The following GALNT18 variants were observed in gnomAD, a reference collection of about 807,000 sequenced individuals.
The protein encoded by GALNT18 is polypeptide N-acetylgalactosaminyltransferase 18.
GALNT18 carries 44 observed loss-of-function variants against 69.5 expected under a neutral mutation model. The ratio of observed to expected loss-of-function variants is 0.63; its 90% confidence interval spans 0.50 to 0.81. GALNT18 has a LOEUF of 0.81. Among genes scored for constraint, GALNT18 ranks in the 40% least tolerant of loss-of-function variants. The pLI, the probability that GALNT18 is intolerant of heterozygous loss-of-function variation, is 0.00. For synonymous variants in GALNT18, 364 were observed against 318.2 expected, an observed-to-expected ratio of 1.14 and a Z score of -1.53; for missense variants, 715 against 810.0, an observed-to-expected ratio of 0.88 and a Z score of 1.42.
intron 9 of GALNT18, among the ~76,000 whole-genome samples, chr11:11,294,442 T>G (rs563102064): frequency 6.6e-6 from 1 of 152,110 alleles, no homozygotes; most frequent in Admixed American, 6.5e-5. Context: ...AGAGCCACTC[T>G]TATCAGTTCT....
chr11:11,599,141 T>G (rs571963635), intron 1 of GALNT18, among the ~76,000 whole-genome samples: 4 of 152,270 alleles, frequency 2.6e-5, no homozygotes, highest in African/African-American at 9.6e-5. Flanking sequence ...GTCTTCTATA[T>G]CATCATTAGT....
chr11:11,428,711 T>C (rs1855194566), intron 3 of GALNT18, among the ~76,000 whole-genome samples: 1 of 152,180 alleles, frequency 6.6e-6, no homozygotes. Flanking sequence ...TTTAAAGCCC[T>C]CCAAGTGATT....
chr11:11,569,110 C>T (rs1281418692), intron 1 of GALNT18, among the ~76,000 whole-genome samples: 1 of 152,116 alleles, frequency 6.6e-6, no homozygotes, highest in Non-Finnish European at 1.5e-5. Context: ...GATTTACTAA[C>T]ACCCAGAGGG....
chr11:11,591,743 A>G lies in GALNT18; in HGVS notation c.235+29616T>C, dbSNP rs1301172573. Among the ~76,000 whole-genome samples the G allele has an allele frequency of 1.3e-5, 2 of 152,254 alleles. No individual in the cohort carries two copies. Among genetic ancestry groups the G allele is most frequent in the Non-Finnish European group, 2.9e-5 (2 of 68,048 alleles). On this transcript the variant is annotated intron_variant, in intron 1 of 10. Coordinates refer to ENST00000227756, the MANE Select transcript of GALNT18 (RefSeq NM_198516.3). This position sits in a 1 kb window ranked among gnomAD's most constrained non-coding sequence, Gnocchi z 4.8. ...AGATGGAAATACAATGAGCCCAGCC[A>G]TACAGATGTGCTCCCATACCCTTTG...
rs1312895438 is a variant in GALNT18 at position 11,586,646 on chromosome 11, T to C, written c.235+34713A>G. Among the ~76,000 whole-genome samples, 3 of 152,180 alleles carry C rather than the reference T, an allele frequency of 2.0e-5. No homozygotes were observed. Among genetic ancestry groups the C allele is most frequent in the Admixed American group, 6.5e-5 (1 of 15,286 alleles). ...AAACGTTTCAGCATTTATATTTAGC[T>C]GGTATGCACTGGTTCCACCATATCA... On this transcript the variant is annotated intron_variant, in intron 1 of 10. Coordinates refer to ENST00000227756, the MANE Select transcript of GALNT18 (RefSeq NM_198516.3). The surrounding 1 kb of genome is among the most constrained non-coding windows in gnomAD (Gnocchi z 4.1).
chr11:11,336,132 C>T (rs1469930984), intron 7 of GALNT18, among the ~76,000 whole-genome samples: 4 of 152,200 alleles, frequency 2.6e-5, no homozygotes, highest in African/African-American at 9.6e-5. Context: ...CTCAGCCTGT[C>T]TTTGGGCAAG....
chr11:11,490,143 T>C (rs1166151041), intron 1 of GALNT18, among the ~76,000 whole-genome samples: 4 of 151,958 alleles, frequency 2.6e-5, no homozygotes, highest in Admixed American at 2.0e-4. Flanking sequence ...GCAGGTCCAT[T>C]ATCATGGGAG....
rs1284874233 is a variant in GALNT18, at chr11:11,382,657, TA to T, written c.596-3394del. 6.6e-6 allele frequency among the ~76,000 whole-genome samples: 1 copy of T among 152,224 alleles called. No individual in the cohort carries two copies. Among genetic ancestry groups the T allele is most frequent in the African/African-American group, 2.4e-5 (1 of 41,456 alleles). On this transcript the variant is annotated intron_variant, in intron 3 of 10. Coordinates refer to ENST00000227756, the MANE Select transcript of GALNT18 (RefSeq NM_198516.3). The surrounding 1 kb of genome is among the most constrained non-coding windows in gnomAD (Gnocchi z 4.3). ...ATATAATGACTAATCACAAAGATTT[TA>T]TCAGGATTTTTGCTGCCCTATCTTT...
At chr11:11,528,975 AG>A (rs1436508161) in intron 1 of GALNT18, among the ~76,000 whole-genome samples, 1 of 152,226 alleles carries the variant, frequency 6.6e-6, no homozygotes, top group Non-Finnish European at 1.5e-5. Context: ...CTACTATGAG[AG>A]GCCCTCAGGG....
chr11:11,277,678 C>A (rs536595226), intron 10 of GALNT18, among the ~76,000 whole-genome samples: 2 of 152,276 alleles, frequency 1.3e-5, no homozygotes, highest in South Asian at 4.1e-4. Flanking sequence ...TTAAATGTGT[C>A]CCAGAGATTC....
chr11:11,578,299 A>G (rs1195893907), intron 1 of GALNT18, among the ~76,000 whole-genome samples: 3 of 146,304 alleles, frequency 2.1e-5, no homozygotes, highest in Non-Finnish European at 1.5e-5. Flanking sequence ...ACAGCCAGTC[A>G]TGAGAAGGAG....
In GALNT18 at chr11:11,292,609, C is replaced by T. The variant is rs1280816490; in HGVS notation, c.1677+420G>A. Among the ~76,000 whole-genome samples, 4 of 152,190 alleles carry T rather than the reference C, an allele frequency of 2.6e-5. No individual in the cohort carries two copies. In the East Asian group the frequency reaches 5.8e-4, roughly 22 times the overall value. On this transcript the variant is annotated intron_variant, in intron 10 of 10. Coordinates refer to ENST00000227756, the MANE Select transcript of GALNT18 (RefSeq NM_198516.3). The stretch of plus-strand genomic sequence containing the variant: ...ATCTGGGAGACTGGGGGCTCCATCT[C>T]GTGAGCAGAGGCTTGTATAGGAGAA...
chr11:11,474,564 C>G (rs1856346547), intron 1 of GALNT18, among the ~76,000 whole-genome samples: 1 of 152,070 alleles, frequency 6.6e-6, no homozygotes. Context: ...TTGAGTAGTC[C>G]AGGAAAGAAG....
intron 1 of GALNT18, among the ~76,000 whole-genome samples, chr11:11,450,127 GAAGT>G (rs1247131087): frequency 6.6e-6 from 1 of 152,198 alleles, no homozygotes; most frequent in Admixed American, 6.5e-5. Flanking sequence ...ATTCATGAGG[GAAGT>G]AAGAGATGGA....
chr11:11,283,150 CTT>C (rs759403043), intron 10 of GALNT18, among the ~76,000 whole-genome samples: 5 of 152,002 alleles, frequency 3.3e-5, no homozygotes, highest in Non-Finnish European at 7.4e-5. Flanking sequence ...ACTGAACAGA[CTT>C]TGGCTTTTTA....
In GALNT18 at chr11:11,386,611, T is replaced by C. The variant is rs982494053; in HGVS notation, c.596-7347A>G. ...CTCTTCTCTCAATCTCTGCATTAATTGGATAAAAGAAAAAATGGTAAATAT... is the reference window on the plus strand; with the variant it reads ...CTCTTCTCTCAATCTCTGCATTAATCGGATAAAAGAAAAAATGGTAAATAT... On this transcript the variant is annotated intron_variant, in intron 3 of 10. Coordinates refer to ENST00000227756, the MANE Select transcript of GALNT18 (RefSeq NM_198516.3). Among the ~76,000 whole-genome samples the C allele has an allele frequency of 2.0e-5, 3 of 152,214 alleles. No homozygotes were observed. The South Asian group carries it at 6.2e-4, about 32-fold the overall frequency.
intron 10 of GALNT18, among the ~76,000 whole-genome samples, chr11:11,283,532 GAGGA>G (rs981129207): frequency 6.6e-6 from 1 of 152,138 alleles, no homozygotes; most frequent in African/African-American, 2.4e-5. Context: ...CAGAGCATTG[GAGGA>G]AGGAAGGAAG....
At chr11:11,568,368 C>A (rs1320909366) in intron 1 of GALNT18, among the ~76,000 whole-genome samples, 1 of 152,078 alleles carries the variant, frequency 6.6e-6, no homozygotes, top group Non-Finnish European at 1.5e-5. Flanking sequence ...CTCCTATCAC[C>A]CACCTAACAA....
chr11:11,406,145 C>T (rs986959458), intron 3 of GALNT18, among the ~76,000 whole-genome samples: 2 of 152,224 alleles, frequency 1.3e-5, no homozygotes, highest in African/African-American at 2.4e-5. Flanking sequence ...AAAAATATAT[C>T]TGTGAGAGCA....
Sources: gnomAD v4.1 joint callset for allele counts (sites outside exome capture counted in the v4.1 genomes callset) on GRCh38, gnomAD v4.1.1 for gene constraint, Gnocchi (gnomAD v3.1) non-coding constraint, MANE v1.5 for transcripts, NCBI Gene and HGNC (gene_info 2026-07-23, HGNC 2026-07-21) for gene names.